Variants in DPP10 observed in about 807,000 individuals in gnomAD.
DPP10 encodes the protein dipeptidyl peptidase like 10, also known as inactive dipeptidyl peptidase 10.
Under a neutral mutation model 120.9 loss-of-function variants are expected in DPP10, and 33 were observed. The observed-to-expected ratio is 0.27, with a 90% CI of 0.21 to 0.37. The LOEUF (loss-of-function observed/expected upper bound fraction) is 0.37, where lower values mean the gene tolerates loss of function less well. Among genes scored for constraint, DPP10 ranks in the 10% least tolerant of loss-of-function variants. DPP10 has a pLI of 1.00. For synonymous variants in DPP10, 337 were observed against 326.1 expected (o/e 1.03, Z -0.36); for missense variants, 816 against 942.8 (o/e 0.87, Z 1.76).
At chr2:115,206,005 A>C (rs1432652935) in intron 1 of DPP10, among the ~76,000 whole-genome samples, 1 of 152,190 alleles carries the variant, frequency 6.6e-6, no homozygotes, top group Non-Finnish European at 1.5e-5. Context: ...CTACCTGCAT[A>C]TGTACCCCTT....
rs1363851757 is a variant in DPP10, at chr2:114,747,931, G to A, written c.60+305093G>A. ...GTGCCACTCAAATTACGGTCTATCA[G>A]TGCCAAGCTGTAAACTGTTGGTTAC... On this transcript the variant is annotated intron_variant, in intron 1 of 25. Coordinates refer to ENST00000410059, the MANE Select transcript of DPP10 (RefSeq NM_020868.6). 3.9e-5 allele frequency among the ~76,000 whole-genome samples: 6 copies of A among 152,150 alleles called. No individual in the cohort carries two copies. In the East Asian group the frequency reaches 9.6e-4, roughly 24 times the overall value.
intron 1 of DPP10, among the ~76,000 whole-genome samples, chr2:114,768,661 G>A (rs1680962785): frequency 6.6e-6 from 1 of 152,072 alleles, no homozygotes; most frequent in African/African-American, 2.4e-5. Flanking sequence ...ACATTTTCCA[G>A]GTATCTGGAT....
intron 1 of DPP10, among the ~76,000 whole-genome samples, chr2:115,081,974 G>A (rs567578451): frequency 1.3e-5 from 2 of 152,154 alleles, no homozygotes; most frequent in Admixed American, 6.5e-5. Flanking sequence ...GGAAAAATCC[G>A]CTTTTGTACC....
At chr2:115,429,735 T>TC (rs2070800157) in intron 3 of DPP10, among the ~76,000 whole-genome samples, 1 of 151,664 alleles carries the variant, frequency 6.6e-6, no homozygotes, top group South Asian at 2.1e-4. Context: ...AACATAAACT[T>TC]CTCAGAAGAG....
intron 1 of DPP10, among the ~76,000 whole-genome samples, chr2:114,817,516 G>A (rs185808090): frequency 1.4e-4 from 22 of 152,274 alleles, no homozygotes; most frequent in East Asian, 1.9e-4. Flanking sequence ...GAGAACTGAT[G>A]CCTGAAGGAG....
intron 1 of DPP10, among the ~76,000 whole-genome samples, chr2:114,736,997 C>T (rs1258184421): frequency 6.6e-6 from 1 of 152,192 alleles, no homozygotes; most frequent in Non-Finnish European, 1.5e-5. Context: ...AATGTACCTT[C>T]TGTAATTGTT....
rs569922092 is a variant in DPP10 at position 115,839,547 on chromosome 2, G to A, written c.2183-1203G>A. The stretch of plus-strand genomic sequence containing the variant: ...AAATTAGCTGGGCATGGTGGTGCAC[G>A]CCTATAATCCCAGCTACTCAGGAGG... On this transcript the variant is annotated intron_variant, in intron 24 of 25. Coordinates refer to ENST00000410059, the MANE Select transcript of DPP10 (RefSeq NM_020868.6). Among the ~76,000 whole-genome samples, 38 of 151,740 alleles carry A rather than the reference G, an allele frequency of 2.5e-4. 1 individual carries two copies. The highest frequency in any genetic ancestry group is 8.7e-4 in the African/African-American group (36 of 41,384).
intron 1 of DPP10, among the ~76,000 whole-genome samples, chr2:115,140,684 T>G (rs1026916444): frequency 2.0e-5 from 3 of 152,150 alleles, no homozygotes; most frequent in Non-Finnish European, 4.4e-5. Flanking sequence ...TATTCTGATG[T>G]GAGTCAATGG....
At chr2:114,633,728 C>T (rs1354830436) in intron 1 of DPP10, among the ~76,000 whole-genome samples, 1 of 151,692 alleles carries the variant, frequency 6.6e-6, no homozygotes, top group Non-Finnish European at 1.5e-5. Flanking sequence ...ATTCTCCTGC[C>T]TCAGCCTCCC....
chr2:115,416,751 G>A (rs1278315822), intron 3 of DPP10, among the ~76,000 whole-genome samples: 1 of 152,126 alleles, frequency 6.6e-6, no homozygotes, highest in Non-Finnish European at 1.5e-5. Flanking sequence ...TCTCACAAGA[G>A]ATAAACATAA....
chr2:114,549,959 C>T (rs1196259924), intron 1 of DPP10, among the ~76,000 whole-genome samples: 2 of 152,136 alleles, frequency 1.3e-5, no homozygotes, highest in Non-Finnish European at 2.9e-5. Flanking sequence ...AGCATTTTAC[C>T]TCCTTTAGAA....
intron 1 of DPP10, among the ~76,000 whole-genome samples, chr2:114,921,009 T>G (rs1695157050): frequency 6.6e-6 from 1 of 152,166 alleles, no homozygotes; most frequent in Non-Finnish European, 1.5e-5. Context: ...TGCTTGAGAA[T>G]GAACCAGCAT....
At chr2:114,446,676 A>G (rs1677961934) in intron 1 of DPP10, among the ~76,000 whole-genome samples, 1 of 152,182 alleles carries the variant, frequency 6.6e-6, no homozygotes. Flanking sequence ...TACTTAAACG[A>G]ATCTTTAAGA....
intron 1 of DPP10, among the ~76,000 whole-genome samples, chr2:114,695,107 C>T (rs1197093587): frequency 6.6e-6 from 1 of 151,920 alleles, no homozygotes. Flanking sequence ...GATATACTCA[C>T]AATTTTATTT....
rs140163656 is a variant in DPP10, at chr2:115,839,401, C to T, written c.2183-1349C>T. ...ATTAAAAATGTTAGCTTAGGCTGGGCGCGGTGGCTCACACCTGTAGTCCCA... is the reference window on the plus strand; with the variant it reads ...ATTAAAAATGTTAGCTTAGGCTGGGTGCGGTGGCTCACACCTGTAGTCCCA... On this transcript the variant is annotated intron_variant, in intron 24 of 25. Transcript: ENST00000410059. Among the ~76,000 whole-genome samples the T allele has an allele frequency of 5.5e-3, 831 of 152,134 alleles. 5 individuals carry two copies. The highest frequency in any genetic ancestry group is 0.011 in the South Asian group (52 of 4,822).
At chr2:115,763,051 G>T (rs78775035) in intron 12 of DPP10, among the ~76,000 whole-genome samples, 6,757 of 152,176 alleles carry the variant, frequency 0.044, 201 homozygotes, top group Non-Finnish European at 0.071. Flanking sequence ...ACATAAATGA[G>T]GCTGGAATCA....
At chr2:115,589,107 A>C (rs184976895) in intron 5 of DPP10, among the ~76,000 whole-genome samples, 78 of 152,332 alleles carry the variant, frequency 5.1e-4, no homozygotes, top group Middle Eastern at 3.4e-3. Context: ...TAGCTAGCAA[A>C]AATCTATGAT....
intron 7 of DPP10, among the ~76,000 whole-genome samples, chr2:115,719,621 CT>C (rs2092593487): frequency 6.6e-6 from 1 of 152,118 alleles, no homozygotes; most frequent in African/African-American, 2.4e-5. Flanking sequence ...TTATTGTATA[CT>C]GACAAATTAT....
chr2:115,286,110 CAG>C (rs1236088977), intron 1 of DPP10, among the ~76,000 whole-genome samples: 1 of 151,772 alleles, frequency 6.6e-6, no homozygotes, highest in Non-Finnish European at 1.5e-5. Flanking sequence ...GAAACAGACT[CAG>C]TGTTTTATTT....
Sources: allele counts gnomAD v4.1 joint callset (sites outside exome capture counted in the v4.1 genomes callset), GRCh38; gene constraint gnomAD v4.1.1; transcripts MANE v1.5; gene names NCBI Gene and HGNC (gene_info 2026-07-23, HGNC 2026-07-21).